The following RIPOR2 variants were observed in gnomAD, a reference collection of about 807,000 sequenced individuals.
The protein encoded by RIPOR2 is rho family-interacting cell polarization regulator 2.
In RIPOR2, 39 loss-of-function variants were observed where a neutral mutation model predicts 114.5. That is an observed-to-expected ratio of 0.34 (90% confidence interval 0.26 to 0.44). The LOEUF is 0.44. RIPOR2 is among the 20% of genes least tolerant of loss of function. The pLI, the probability that RIPOR2 is intolerant of heterozygous loss-of-function variation, is 1.00. For missense variants in RIPOR2, 1,007 were observed against 1,255.1 expected (o/e 0.80, Z 2.99); for synonymous variants, 445 against 484.4 (o/e 0.92, Z 1.07).
At position 24,851,577 on chromosome 6, in the gene RIPOR2, T is replaced by C. The variant is rs183907749; in HGVS notation, c.760-855A>G. Among the ~76,000 whole-genome samples the C allele has an allele frequency of 1.0e-3, 156 of 152,266 alleles. 1 individual carries two copies. Among genetic ancestry groups the C allele is most frequent in the African/African-American group, 3.4e-3 (140 of 41,556 alleles). On this transcript the variant is annotated intron_variant, in intron 9 of 21. Coordinates refer to ENST00000643898, the MANE Select transcript of RIPOR2 (RefSeq NM_001286445.3). Reference sequence around the variant, plus strand: ...TAAGAGGTATGAGTATAGAGGGTTTTGGAGGAGATGTTAGATGAAATGGTT... The same window carrying C: ...TAAGAGGTATGAGTATAGAGGGTTTCGGAGGAGATGTTAGATGAAATGGTT...
intron 1 of RIPOR2, among the ~76,000 whole-genome samples, chr6:24,953,829 A>G (rs1258888899): frequency 1.3e-5 from 2 of 152,230 alleles, no homozygotes; most frequent in African/African-American, 4.8e-5. Context: ...CTCGTCATCA[A>G]ACCTAAGCAT....
chr6:24,850,036 G>A, intron 10 of RIPOR2, 86 bp from the exon 11 acceptor site: 7 of 1,138,460 alleles, frequency 6.1e-6, no homozygotes, highest in Middle Eastern at 2.1e-4. Context: ...TACTGAGCTA[G>A]GTTGGTCATT....
At chr6:25,023,523 C>A in intron 1 of RIPOR2, 1 of 772,610 alleles carries the variant, frequency 1.3e-6, no homozygotes, top group East Asian at 2.4e-5. Context: ...TGCCAGAAAG[C>A]GGTGTACACC....
intron 1 of RIPOR2, among the ~76,000 whole-genome samples, chr6:24,977,507 G>A (rs1289651168): frequency 1.3e-5 from 2 of 152,016 alleles, no homozygotes; most frequent in Non-Finnish European, 2.9e-5. Context: ...AACAGGAAAC[G>A]GAGACCAAAT....
chr6:24,860,684 G>A (rs181309548), intron 8 of RIPOR2, among the ~76,000 whole-genome samples: 121 of 152,318 alleles, frequency 7.9e-4, no homozygotes, highest in African/African-American at 2.8e-3. Flanking sequence ...TGGAGCAAAT[G>A]TGGCAAAATC....
At chr6:24,886,861 AC>A (rs1211460060) in intron 1 of RIPOR2, among the ~76,000 whole-genome samples, 3 of 152,250 alleles carry the variant, frequency 2.0e-5, no homozygotes, top group African/African-American at 7.2e-5. Context: ...TGCTTCTTTA[AC>A]CCAGGAGTTT....
intron 6 of RIPOR2, among the ~76,000 whole-genome samples, chr6:24,867,708 T>C (rs1277340216): frequency 1.3e-5 from 2 of 152,234 alleles, no homozygotes; most frequent in African/African-American, 4.8e-5. Flanking sequence ...CCTAGCCAAA[T>C]GGAATTAAAC....
chr6:24,872,824 G>A (rs577884125), intron 4 of RIPOR2, 57 bp downstream of exon 4: 1 of 1,169,914 alleles, frequency 8.5e-7, no homozygotes, highest in East Asian at 2.3e-5. Context: ...TCCAGTAAAA[G>A]AAGCTATTTG....
At chr6:25,039,213 G>A (rs1258272377) in intron 1 of RIPOR2, among the ~76,000 whole-genome samples, 1 of 152,178 alleles carries the variant, frequency 6.6e-6, no homozygotes, top group Non-Finnish European at 1.5e-5. Context: ...TATTGTTGAG[G>A]GCCACCCTTG....
chr6:25,022,033 ATGT>A (rs1451484063), intron 1 of RIPOR2, among the ~76,000 whole-genome samples: 1 of 152,228 alleles, frequency 6.6e-6, no homozygotes, highest in Non-Finnish European at 1.5e-5. Flanking sequence ...GTCTGTAATT[ATGT>A]AGAAATGAAC....
chr6:24,839,811 G>A lies in RIPOR2; in HGVS notation c.1858-539C>T, dbSNP rs1056981153. 3.0e-6 allele frequency: 4 copies of A among 1,344,674 alleles called. No individual in the cohort carries two copies. The African/African-American group carries it at 6.1e-5, about 20-fold the overall frequency. The allele number at this position is 1,344,674 out of a possible 1,614,324, so 83.3% of individuals were successfully genotyped here. A position where few individuals can be genotyped will look rare whatever the true frequency, so the allele number is the denominator to read the frequency against. On this transcript the variant is annotated intron_variant, in intron 13 of 21. Coordinates refer to ENST00000643898, the MANE Select transcript of RIPOR2 (RefSeq NM_001286445.3). ...CTAATTCCAAGTGGCAATGTCTTCG[G>A]TGTTTTACAAAAGGCGCTAGCTATC...
Position 24,843,162 on chromosome 6 carries a change from T to G in RIPOR2, c.1557A>C (p.Ala519=). 2 of 1,613,912 alleles carry G rather than the reference T, an allele frequency of 1.2e-6. No individual in the cohort carries two copies. Among genetic ancestry groups the G allele is most frequent in the Non-Finnish European group, 1.7e-6 (2 of 1,179,836 alleles). Residue 519 remains alanine, a synonymous_variant, in exon 13 of 22, where the codon GCA becomes GCC. Coordinates refer to ENST00000643898, the MANE Select transcript of RIPOR2 (RefSeq NM_001286445.3). ...HLFLENDVAE[A]LLQESEEASE... The stretch of plus-strand genomic sequence containing the variant: ...AGGCCTCCTCAGACTCTTGCAGAAG[T>G]GCTTCTGCAACATCATTCTCAAGGA...
rs1178487089 is a variant in RIPOR2, at chr6:24,930,541, T to C, written c.61+5297A>G. Among the ~76,000 whole-genome samples the C allele has an allele frequency of 7.2e-5, 11 of 152,222 alleles. 1 individual carries two copies. On this transcript the variant is annotated intron_variant, in intron 1 of 21. Transcript: ENST00000643898. The stretch of plus-strand genomic sequence containing the variant: ...TTTAGTGCAATGTGCTATTTTAGTT[T>C]ATGCCCCTGCAATGACACCATCTCT...
chr6:25,018,737 C>A (rs375131462), intron 1 of RIPOR2, among the ~76,000 whole-genome samples: 1 of 152,134 alleles, frequency 6.6e-6, no homozygotes, highest in African/African-American at 2.4e-5. Flanking sequence ...ATAGGTGATA[C>A]TCTATGATGC....
chr6:24,994,186 T>A (rs1319502317), intron 1 of RIPOR2, among the ~76,000 whole-genome samples: 1 of 152,076 alleles, frequency 6.6e-6, no homozygotes, highest in East Asian at 1.9e-4. Context: ...AATAAGAGGA[T>A]ATGAGGAACT....
intron 1 of RIPOR2, among the ~76,000 whole-genome samples, chr6:24,931,292 TTGTG>T (rs1044105575): frequency 2.0e-5 from 3 of 151,648 alleles, no homozygotes; most frequent in East Asian, 1.9e-4. Flanking sequence ...ACAATTCTTT[TTGTG>T]TGTGTGTGTG....
At chr6:24,923,779 C>G (rs1328364056) in intron 1 of RIPOR2, among the ~76,000 whole-genome samples, 1 of 152,006 alleles carries the variant, frequency 6.6e-6, no homozygotes, top group Non-Finnish European at 1.5e-5. Context: ...ATCTGGGAGG[C>G]AGAGGTTGCA....
chr6:24,941,813 CA>C (rs1772147570), intron 1 of RIPOR2, among the ~76,000 whole-genome samples: 1 of 152,180 alleles, frequency 6.6e-6, no homozygotes, highest in Non-Finnish European at 1.5e-5. Flanking sequence ...GATCACTGTA[CA>C]GTCTGCCCCT....
chr6:24,980,561 G>A (rs1283264050), intron 1 of RIPOR2, among the ~76,000 whole-genome samples: 1 of 152,162 alleles, frequency 6.6e-6, no homozygotes, highest in Non-Finnish European at 1.5e-5. Context: ...GTGCAACTAT[G>A]GTTTGTGAAT....
Sources: allele counts gnomAD v4.1 joint callset (sites outside exome capture counted in the v4.1 genomes callset), GRCh38; gene constraint gnomAD v4.1.1; transcripts MANE v1.5; gene names NCBI Gene and HGNC (gene_info 2026-07-23, HGNC 2026-07-21).